NDUFA11: variants seen among roughly 807,000 people sequenced by gnomAD.
NDUFA11 encodes the protein NADH dehydrogenase [ubiquinone] 1 alpha subcomplex subunit 11.
NDUFA11 carries 14 observed loss-of-function variants against 11.3 expected under a neutral mutation model. The ratio of observed to expected loss-of-function variants is 1.24; its 90% CI spans 0.82 to 1.94. The LOEUF is 1.94. NDUFA11 is among the 30% of genes most tolerant of loss of function. The pLI, the probability that NDUFA11 is intolerant of heterozygous loss-of-function variation, is 0.00. For missense variants in NDUFA11, 204 were observed against 200.3 expected (o/e 1.02, Z -0.11); for synonymous variants, 87 against 85.6 (o/e 1.02, Z -0.09).
chr19:5,891,897 G>A (rs1328867640), downstream of NDUFA11: 1 of 152,210 alleles, frequency 6.6e-6, no homozygotes, highest in Admixed American at 6.5e-5. Context: ...TGAAGTTCAA[G>A]GTAAACTCAG....
downstream of NDUFA11, among the ~76,000 whole-genome samples, chr19:5,893,784 G>A (rs143497613): frequency 1.1e-3 from 164 of 152,266 alleles, no homozygotes; most frequent in Non-Finnish European, 1.8e-3. The surrounding 1 kb of genome is among the most constrained non-coding windows in gnomAD (Gnocchi z 4.1). Flanking sequence ...TAGGCCCCGC[G>A]GATGGGCTTG....
downstream of NDUFA11, chr19:5,892,776 CG>C: frequency 8.7e-7 from 1 of 1,145,992 alleles, no homozygotes; most frequent in East Asian, 2.7e-5. Flanking sequence ...ATGCGATGCC[CG>C]TGAGTGGATG....
Position 5,903,701 on chromosome 19 carries a change from G to C in NDUFA11, c.8C>G (p.Pro3Arg). 1 of 1,551,470 alleles carries C rather than the reference G, an allele frequency of 6.4e-7. No individual in the cohort carries two copies. The highest frequency in any genetic ancestry group is 8.7e-7 in the Non-Finnish European group (1 of 1,146,904). Residue 3 changes from proline (P) to arginine (R), a missense_variant, in exon 1 of 4, where the codon CCG becomes CGG. Pro to Arg is a moderately radical substitution (Grantham distance 103). Transcript: ENST00000308961. ...ATCCCAGTACTGACGAAAAACCTTC[G>C]GCGCCATAGCCCGCAATCTCGATCC... MA[P>R]KVFRQYWDIP... is the part of the protein sequence containing the mutation.
chr19:5,900,522 A>G (rs1346643197), intron 1 of NDUFA11, among the ~76,000 whole-genome samples: 1 of 152,228 alleles, frequency 6.6e-6, no homozygotes, highest in African/African-American at 2.4e-5. Flanking sequence ...TCAGATGAGA[A>G]GTGAGGGGAG....
intron 1 of NDUFA11, 70 bp from the exon 2 acceptor site, chr19:5,897,067 C>T: frequency 1.6e-6 from 2 of 1,265,736 alleles, no homozygotes; most frequent in Non-Finnish European, 2.3e-6. Flanking sequence ...GGGCACCCCA[C>T]TGGGTGGTCT....
Position 5,897,561 on chromosome 19 carries a change from G to A in NDUFA11, c.98-564C>T, listed in dbSNP as rs117746869. On this transcript the variant is annotated intron_variant, in intron 1 of 3. Coordinates refer to ENST00000308961, the MANE Select transcript of NDUFA11 (RefSeq NM_175614.5). ...CCAACGCCTCCTCCTTGCCACTCTCGACCCCCTCCTGCTGGCAGCTCGGGC... is the reference window on the plus strand; with the variant it reads ...CCAACGCCTCCTCCTTGCCACTCTCAACCCCCTCCTGCTGGCAGCTCGGGC... 1.4e-4 allele frequency among the ~76,000 whole-genome samples: 22 copies of A among 152,106 alleles called. No homozygotes were observed. The East Asian group carries it at 3.9e-3, about 27-fold the overall frequency.
chr19:5,896,431 G>A lies in NDUFA11; in HGVS notation c.313+22C>T, dbSNP rs1395888008. On this transcript the variant is annotated intron_variant, in intron 3 of 3. Coordinates refer to ENST00000308961, the MANE Select transcript of NDUFA11 (RefSeq NM_175614.5). This position sits in a 1 kb window ranked among gnomAD's most constrained non-coding sequence, Gnocchi z 5.8. Reference sequence around the variant, plus strand: ...TTCTGCCAGGCTGGGAGGAGGGTGGGGGTGGGGAGGGGGCCACTCACTGCG... The same window carrying A: ...TTCTGCCAGGCTGGGAGGAGGGTGGAGGTGGGGAGGGGGCCACTCACTGCG... 2.1e-6 allele frequency: 3 copies of A among 1,461,912 alleles called. No individual in the cohort carries two copies. Among genetic ancestry groups the A allele is most frequent in the South Asian group, 2.4e-5 (2 of 82,996 alleles). 90.6% of individuals were successfully genotyped at this position (1,461,912 alleles called of 1,614,324 possible).
At chr19:5,894,018 T>G (rs1260170915), downstream of NDUFA11, among the ~76,000 whole-genome samples, 1 of 152,162 alleles carries the variant, frequency 6.6e-6, no homozygotes, top group Non-Finnish European at 1.5e-5. Flanking sequence ...CATGAGCCAG[T>G]TCTGGAGAAG....
At chr19:5,898,584 G>A (rs982577205) in intron 1 of NDUFA11, among the ~76,000 whole-genome samples, 7 of 152,158 alleles carry the variant, frequency 4.6e-5, no homozygotes, top group African/African-American at 1.4e-4. Flanking sequence ...TCAGAAAGGT[G>A]GATGGAGGAC....
At chr19:5,899,993 G>GGA (rs1181655697) in intron 1 of NDUFA11, 2 of 152,148 alleles carry the variant, frequency 1.3e-5, no homozygotes, top group African/African-American at 4.8e-5. Flanking sequence ...CCTAGCTCAT[G>GGA]GAGCACACCT....
In NDUFA11 at chr19:5,896,066, C is replaced by A. The variant is rs1047105054; in HGVS notation, c.313+387G>T. Reference sequence around the variant, plus strand: ...TCTGACAAGGCACACAGAAGGAAGGCGGCACAGAGCGAGGGCGGCGGGGAT... The same window carrying A: ...TCTGACAAGGCACACAGAAGGAAGGAGGCACAGAGCGAGGGCGGCGGGGAT... On this transcript the variant is annotated intron_variant, in intron 3 of 3. Coordinates refer to ENST00000308961, the MANE Select transcript of NDUFA11 (RefSeq NM_175614.5). The surrounding 1 kb of genome is among the most constrained non-coding windows in gnomAD (Gnocchi z 5.8). 3 of 409,100 alleles carry A rather than the reference C, an allele frequency of 7.3e-6. No homozygotes were observed. Among genetic ancestry groups the A allele is most frequent in the Non-Finnish European group, 1.3e-5 (3 of 228,276 alleles). 25.3% of individuals were successfully genotyped at this position (409,100 alleles called of 1,614,324 possible).
At position 5,896,846 on chromosome 19, in the gene NDUFA11, T is replaced by C. The variant is rs1439622509; in HGVS notation, c.190+59A>G. 2 of 1,453,442 alleles carry C rather than the reference T, an allele frequency of 1.4e-6. No individual in the cohort carries two copies. Among genetic ancestry groups the C allele is most frequent in the Non-Finnish European group, 9.7e-7 (1 of 1,035,158 alleles). 90.0% of individuals were successfully genotyped at this position (1,453,442 alleles called of 1,614,324 possible). ...GAGAAGAGGCAGCCGTCAAATGTGC[T>C]CTGAGAGCTGGGGCTGTGCCAGGAG... is the stretch of plus-strand genomic sequence containing the variant. On this transcript the variant is annotated intron_variant, in intron 2 of 3. Coordinates refer to ENST00000308961, the MANE Select transcript of NDUFA11 (RefSeq NM_175614.5). The surrounding 1 kb of genome is among the most constrained non-coding windows in gnomAD (Gnocchi z 5.8).
Position 5,894,681 on chromosome 19 carries a change from C to A in NDUFA11, c.*61G>T, listed in dbSNP as rs1568429819. The A allele has an allele frequency of 6.3e-7, 1 of 1,581,884 alleles. No homozygotes were observed. The highest frequency in any genetic ancestry group is 1.2e-5 in the South Asian group (1 of 86,952). On this transcript the variant is annotated 3_prime_UTR_variant, in exon 4 of 4. Transcript: ENST00000308961. ...AGCCCTCCGGACACTGACACACACACAGACACAGAATTTATTTCTGGACGC... is the reference window on the plus strand; with the variant it reads ...AGCCCTCCGGACACTGACACACACAAAGACACAGAATTTATTTCTGGACGC...
chr19:5,896,537 T>C lies in NDUFA11; in HGVS notation c.229A>G (p.Ser77Gly), dbSNP rs1440971002. Residue 77 changes from serine (S) to glycine (G), a missense_variant, in exon 3 of 4, where the codon AGC becomes GGC. Ser to Gly is a moderately conservative substitution (Grantham distance 56). Coordinates refer to ENST00000308961, the MANE Select transcript of NDUFA11 (RefSeq NM_175614.5). This position sits in a 1 kb window ranked among gnomAD's most constrained non-coding sequence, Gnocchi z 5.8. Reference sequence around the variant, plus strand: ...TCGGGCTTCTCGCGGACATGGGCGCTGATGCAGGTGGTGAGGCCAAACACG... The same window carrying C: ...TCGGGCTTCTCGCGGACATGGGCGCCGATGCAGGTGGTGAGGCCAAACACG... ...GAVFGLTTCISAHVREKPDDP... is the reference protein window; with the variant it reads ...GAVFGLTTCIGAHVREKPDDP... 3.2e-6 allele frequency: 5 copies of C among 1,568,682 alleles called. No individual in the cohort carries two copies. Among genetic ancestry groups the C allele is most frequent in the Non-Finnish European group, 3.5e-6 (4 of 1,157,572 alleles).
intron 1 of NDUFA11, among the ~76,000 whole-genome samples, chr19:5,901,898 C>G (rs1344563705): frequency 6.6e-6 from 1 of 151,948 alleles, no homozygotes; most frequent in Non-Finnish European, 1.5e-5. Flanking sequence ...GTCTCGATCT[C>G]CTGACCTCGT....
At position 5,896,797 on chromosome 19, in the gene NDUFA11, G is replaced by A; in HGVS notation, c.190+108C>T. On this transcript the variant is annotated intron_variant, in intron 2 of 3. Transcript: ENST00000308961. This position sits in a 1 kb window ranked among gnomAD's most constrained non-coding sequence, Gnocchi z 5.8. ...CCACTTTCTCCGGATGGCCAGCACT[G>A]TGGACACGGGCTGGGGAGTCAGAGA... 3.3e-6 allele frequency: 4 copies of A among 1,208,748 alleles called. No individual in the cohort carries two copies. The East Asian group carries it at 7.0e-5, about 21-fold the overall frequency. The allele number at this position is 1,208,748 out of a possible 1,614,324, so 74.9% of individuals were successfully genotyped here. A position where few individuals can be genotyped will look rare whatever the true frequency, so the allele number is the denominator to read the frequency against.
intron 1 of NDUFA11, among the ~76,000 whole-genome samples, chr19:5,901,732 C>G (rs920482772): frequency 6.6e-6 from 1 of 151,594 alleles, no homozygotes; most frequent in Non-Finnish European, 1.5e-5. Context: ...TGCAGAGGCG[C>G]AATCTCGGCT....
Position 5,903,722 on chromosome 19 carries a change from G to A in NDUFA11, c.-14C>T, listed in dbSNP as rs772682050. 2.6e-6 allele frequency: 4 copies of A among 1,551,110 alleles called. No homozygotes were observed. The East Asian group carries it at 7.3e-5, about 28-fold the overall frequency. On this transcript the variant is annotated 5_prime_UTR_variant, in exon 1 of 4. Transcript: ENST00000308961. Reference sequence around the variant, plus strand: ...CTTCGGCGCCATAGCCCGCAATCTCGATCCCGCACCACGGACCCCGCCAGC... The same window carrying A: ...CTTCGGCGCCATAGCCCGCAATCTCAATCCCGCACCACGGACCCCGCCAGC...
chr19:5,900,460 C>T (rs79569934), intron 1 of NDUFA11, among the ~76,000 whole-genome samples: 15,573 of 152,236 alleles, frequency 0.1, 899 homozygotes, highest in Middle Eastern at 0.16. Flanking sequence ...AGTCTCCCCG[C>T]CGTCCAGGGT....
Sources: gnomAD v4.1 joint callset for allele counts (sites outside exome capture counted in the v4.1 genomes callset) on GRCh38, gnomAD v4.1.1 for gene constraint, Gnocchi (gnomAD v3.1) non-coding constraint, MANE v1.5 for transcripts, NCBI Gene and HGNC (gene_info 2026-07-23, HGNC 2026-07-21) for gene names.